NCOR2: variants seen among roughly 807,000 people sequenced by gnomAD.
NCOR2 encodes the protein CTG repeat protein 26.
A neutral mutation model predicts 262.9 loss-of-function variants in NCOR2; 81 were observed. The ratio of observed to expected loss-of-function variants is 0.31; its 90% CI spans 0.26 to 0.37. NCOR2 has a LOEUF of 0.37. Ranked by LOEUF, NCOR2 falls within the 10% of genes least tolerant of loss-of-function variation. The pLI, the probability that NCOR2 is intolerant of heterozygous loss-of-function variation, is 1.00. For synonymous variants in NCOR2, 1,659 were observed against 1,559.3 expected (o/e 1.06, Z -1.51); for missense variants, 3,385 against 3,621.4 (o/e 0.93, Z 1.68).
chr12:124,502,596 C>G (rs1003505900), intron 1 of NCOR2, among the ~76,000 whole-genome samples: 5 of 152,106 alleles, frequency 3.3e-5, no homozygotes, highest in African/African-American at 4.8e-5. Context: ...GTGAGGACAG[C>G]AGGGAGGCCT....
In NCOR2 at chr12:124,378,664, A is replaced by G. The variant is rs1029897712; in HGVS notation, c.2020-280T>C. Among the ~76,000 whole-genome samples the G allele has an allele frequency of 1.3e-5, 2 of 152,322 alleles. No individual in the cohort carries two copies. The highest frequency in any genetic ancestry group is 2.1e-4 in the South Asian group (1 of 4,824). Reference sequence around the variant, plus strand: ...TCCTGAGCACGAGAGAACCTGCCTGACATTGCCCAGGAGTCTCCTAGTCAG... The same window carrying G: ...TCCTGAGCACGAGAGAACCTGCCTGGCATTGCCCAGGAGTCTCCTAGTCAG... On this transcript the variant is annotated intron_variant, in intron 17 of 46. Coordinates refer to ENST00000405201, the Ensembl canonical transcript of NCOR2. The surrounding 1 kb of genome is among the most constrained non-coding windows in gnomAD (Gnocchi z 4.2).
intron 32 of NCOR2, 64 bp downstream of exon 34, chr12:124,344,533 T>C (rs2036759686): frequency 7.4e-7 from 1 of 1,352,334 alleles, no homozygotes. Flanking sequence ...TAATGGTGGA[T>C]GGGGAGGCAC....
At chr12:124,425,643 A>G (rs1368138794) in intron 11 of NCOR2, among the ~76,000 whole-genome samples, 1 of 152,142 alleles carries the variant, frequency 6.6e-6, no homozygotes, top group Non-Finnish European at 1.5e-5. Context: ...TGGATGTCAC[A>G]TCGCAGATTC....
intron 1 of NCOR2, among the ~76,000 whole-genome samples, chr12:124,521,753 G>A (rs1006866798): frequency 2.0e-5 from 3 of 152,160 alleles, no homozygotes; most frequent in Admixed American, 6.5e-5. Context: ...TATGTGATGT[G>A]AATTTCACCT....
chr12:124,356,574 A>C, intron 23 of NCOR2, 68 bp downstream of exon 25: 1 of 1,285,918 alleles, frequency 7.8e-7, no homozygotes, highest in Non-Finnish European at 1.0e-6. Context: ...GCTCTGAGCC[A>C]GTGCAAACAG....
intron 1 of NCOR2, among the ~76,000 whole-genome samples, chr12:124,491,562 A>G (rs1418594289): frequency 6.6e-6 from 1 of 152,182 alleles, no homozygotes; most frequent in African/African-American, 2.4e-5. Flanking sequence ...CACAGCAGAA[A>G]AGAGTCACGC....
chr12:124,450,869 T>C (rs758464425), intron 6 of NCOR2, among the ~76,000 whole-genome samples: 1 of 152,228 alleles, frequency 6.6e-6, no homozygotes, highest in Non-Finnish European at 1.5e-5. Flanking sequence ...TCCTCATCTA[T>C]AAAATGGGGT....
chr12:124,472,898 C>A (rs1250795282), intron 4 of NCOR2, 54 bp downstream of exon 6: 7 of 1,605,100 alleles, frequency 4.4e-6, no homozygotes, highest in Non-Finnish European at 5.1e-6. Flanking sequence ...GCTGTCACTG[C>A]TGCTAGAATG....
At chr12:124,536,546 A>G (rs1201095420), upstream of NCOR2, among the ~76,000 whole-genome samples, 2 of 152,210 alleles carry the variant, frequency 1.3e-5, no homozygotes, top group Non-Finnish European at 2.9e-5. Flanking sequence ...CACATGGCCA[A>G]TAAGACACGA....
At chr12:124,405,104 C>T (rs2042207768) in intron 13 of NCOR2, among the ~76,000 whole-genome samples, 1 of 152,108 alleles carries the variant, frequency 6.6e-6, no homozygotes, top group East Asian at 1.9e-4. Context: ...ATCTACCTAT[C>T]CCTACCTGCC....
At chr12:124,337,053 C>T in exon 38 of NCOR2, 9 of 1,491,736 alleles carry the variant, frequency 6.0e-6, no homozygotes, top group Non-Finnish European at 8.0e-6. Flanking sequence ...ACCCGGGGGG[C>T]CTCCTTGGGC....
chr12:124,432,853 T>G lies in NCOR2; in HGVS notation c.883-2066A>C, dbSNP rs1453509261. Among the ~76,000 whole-genome samples the G allele has an allele frequency of 3.7e-5, 1 of 27,054 alleles. No individual in the cohort carries two copies. The highest frequency in any genetic ancestry group is 1.7e-4 in the African/African-American group (1 of 5,918). The allele number at this position is 27,054 out of a possible 152,430, so 17.7% of individuals were successfully genotyped here. On this transcript the variant is annotated intron_variant, in intron 8 of 46. Transcript: ENST00000405201. The surrounding 1 kb of genome is among the most constrained non-coding windows in gnomAD (Gnocchi z 5.1). The stretch of plus-strand genomic sequence containing the variant: ...ACATCTCCAAGGTGACTTGAGCAAG[T>G]GGCGGCGGGGGGCGGGGGGTGGGGG...
At chr12:124,451,565 A>G (rs1042613080) in intron 6 of NCOR2, among the ~76,000 whole-genome samples, 1 of 135,230 alleles carries the variant, frequency 7.4e-6, no homozygotes. Context: ...GTGTGTGTGT[A>G]TGTCTTTCTG....
chr12:124,528,292 T>C (rs1016978003), intron 1 of NCOR2, among the ~76,000 whole-genome samples: 19 of 152,334 alleles, frequency 1.2e-4, no homozygotes, highest in Admixed American at 2.6e-4. Context: ...CCATCCACAA[T>C]GATGAATCTG....
At chr12:124,561,959 TGA>T (rs1365946198) in intron 1 of NCOR2, 6 of 152,190 alleles carry the variant, frequency 3.9e-5, no homozygotes, top group African/African-American at 1.4e-4. Context: ...ATGGCTGTAA[TGA>T]GCTGTGATGG....
At chr12:124,345,886 GC>G (rs1321957120) in intron 31 of NCOR2, among the ~76,000 whole-genome samples, 3 of 152,122 alleles carry the variant, frequency 2.0e-5, no homozygotes, top group Non-Finnish European at 2.9e-5. Flanking sequence ...TTCACAAGAG[GC>G]CACCTCTGCC....
chr12:124,394,165 C>T (rs1565904373), intron 16 of NCOR2, among the ~76,000 whole-genome samples: 1 of 152,256 alleles, frequency 6.6e-6, no homozygotes, highest in Non-Finnish European at 1.5e-5. Flanking sequence ...CCTAAGCTAG[C>T]GGCCTGCCAT....
rs1193014920 is a variant in NCOR2, at chr12:124,549,227, T to C, written c.-164-13616A>G. The stretch of plus-strand genomic sequence containing the variant: ...ACCGAGAGGATCAGATGAATTCACG[T>C]GGCATGTGCCGCACTGAGACAGGCA... On this transcript the variant is annotated intron_variant, in intron 1 of 32. Coordinates refer to the NCOR2 transcript ENST00000458234. The surrounding 1 kb of genome is among the most constrained non-coding windows in gnomAD (Gnocchi z 4.4). 6.6e-6 allele frequency among the ~76,000 whole-genome samples: 1 copy of C among 151,590 alleles called. No homozygotes were observed. Among genetic ancestry groups the C allele is most frequent in the African/African-American group, 2.4e-5 (1 of 41,208 alleles).
chr12:124,494,055 A>T (rs2048242434), intron 1 of NCOR2, among the ~76,000 whole-genome samples: 1 of 152,178 alleles, frequency 6.6e-6, no homozygotes, highest in South Asian at 2.1e-4. Context: ...GACTCTGCAA[A>T]GCGCCCCAGG....
Sources: gnomAD v4.1 joint callset for allele counts (sites outside exome capture counted in the v4.1 genomes callset) on GRCh38, gnomAD v4.1.1 for gene constraint, Gnocchi (gnomAD v3.1) non-coding constraint, MANE v1.5 for transcripts, NCBI Gene and HGNC (gene_info 2026-07-23, HGNC 2026-07-21) for gene names.